Variants in C6orf163 observed in about 807,000 individuals in gnomAD.
C6orf163 encodes the protein uncharacterized protein C6orf163.
Under a neutral mutation model 28.4 loss-of-function variants are expected in C6orf163, and 22 were observed. The ratio of observed to expected loss-of-function variants is 0.78; its 90% confidence interval spans 0.55 to 1.11. The LOEUF is 1.11. C6orf163 is among the 50% of genes least tolerant of loss of function. C6orf163 has a pLI of 0.00. For missense variants in C6orf163, 342 were observed against 389.1 expected (o/e 0.88, Z 1.02); for synonymous variants, 110 against 123.6 (o/e 0.89, Z 0.73).
rs1038026558 is a variant in C6orf163 at position 87,364,947 on chromosome 6, A to G, written c.555-14A>G. 3 of 1,517,550 alleles carry G rather than the reference A, an allele frequency of 2.0e-6. No homozygotes were observed. Among genetic ancestry groups the G allele is most frequent in the Non-Finnish European group, 2.7e-6 (3 of 1,127,386 alleles). 94.0% of individuals were successfully genotyped at this position (1,517,550 alleles called of 1,614,324 possible). On this transcript the variant is annotated splice_polypyrimidine_tract_variant and intron_variant, in intron 4 of 4. Transcript: ENST00000388923. ...CAATCCATCTAAATTATAAATCCAT[A>G]TTATCTTTTGTAGCAAAGCCGTGGA...
chr6:87,348,921 A>T lies in C6orf163; in HGVS notation c.243+15A>T, dbSNP rs908138493. The T allele has an allele frequency of 1.3e-6, 2 of 1,536,178 alleles. No homozygotes were observed. Among genetic ancestry groups the T allele is most frequent in the Non-Finnish European group, 1.7e-6 (2 of 1,146,708 alleles). ...TATGGGCTCAGGTAAAAGAAGTTAC[A>T]TGTCAACCTAAAGTCCATCTTTACC... is the stretch of plus-strand genomic sequence containing the variant. On this transcript the variant is annotated intron_variant, in intron 2 of 4. Transcript: ENST00000388923.
In C6orf163 at chr6:87,348,086, C is replaced by T. The variant is rs7748728; in HGVS notation, c.149-726C>T. ...CAGGAGAATCACTTGAAACGGGAGG[C>T]GGAGGTTGCAGTGAGCCGAAATGGC... is the stretch of plus-strand genomic sequence containing the variant. On this transcript the variant is annotated intron_variant, in intron 1 of 4. Coordinates refer to ENST00000388923, the MANE Select transcript of C6orf163 (RefSeq NM_001010868.3). The T allele has an allele frequency of 2.0e-4, 123 of 608,340 alleles. No individual in the cohort carries two copies. In the African/African-American group the frequency reaches 2.3e-3, roughly 11 times the overall value. The allele number at this position is 608,340 out of a possible 1,614,324, so 37.7% of individuals were successfully genotyped here. A position where few individuals can be genotyped will look rare whatever the true frequency, so the allele number is the denominator to read the frequency against.
intron 3 of C6orf163, among the ~76,000 whole-genome samples, chr6:87,354,697 T>G (rs1397507366): frequency 6.6e-6 from 1 of 152,218 alleles, no homozygotes; most frequent in Non-Finnish European, 1.5e-5. Context: ...AAAGTTGATT[T>G]CTAGTGTCTG....
chr6:87,356,244 G>GT, intron 3 of C6orf163, 57 bp from the exon 4 acceptor site: 1 of 1,379,668 alleles, frequency 7.2e-7, no homozygotes. Flanking sequence ...GCCTCCTAAT[G>GT]TGCAGTTTTA....
At chr6:87,350,647 A>G (rs1217835713) in intron 3 of C6orf163, 146 bp downstream of exon 3, 2 of 602,208 alleles carry the variant, frequency 3.3e-6, no homozygotes, top group Non-Finnish European at 5.8e-6. Context: ...AGGTTCTCAG[A>G]AGAGATGCTG....
chr6:87,361,474 G>A (rs1158241863), intron 4 of C6orf163, among the ~76,000 whole-genome samples: 1 of 152,068 alleles, frequency 6.6e-6, no homozygotes, highest in Non-Finnish European at 1.5e-5. Context: ...CTTCCAGTTA[G>A]CCCATAAATG....
At chr6:87,355,938 C>T (rs908106229) in intron 3 of C6orf163, among the ~76,000 whole-genome samples, 4 of 152,188 alleles carry the variant, frequency 2.6e-5, no homozygotes, top group African/African-American at 9.6e-5. Flanking sequence ...CCAGGACTGG[C>T]TTACTAAAGC....
At position 87,365,373 on chromosome 6, in the gene C6orf163, G is replaced by A; in HGVS notation, c.967G>A (p.Glu323Lys). 6.5e-7 allele frequency: 1 copy of A among 1,541,042 alleles called. No homozygotes were observed. Among genetic ancestry groups the A allele is most frequent in the Non-Finnish European group, 8.8e-7 (1 of 1,141,730 alleles). The change falls in exon 5 of 5, where the codon GAG becomes AAG. Residue 323 changes from glutamate (E) to lysine (K), a missense_variant. Coordinates refer to ENST00000388923, the MANE Select transcript of C6orf163 (RefSeq NM_001010868.3). ...KKTPSNLVIK[E>K]NKTTLD Reference sequence around the variant, plus strand: ...AACACCTTCTAATCTTGTTATTAAGGAGAACAAAACAACTCTTGATTAGAA... The same window carrying A: ...AACACCTTCTAATCTTGTTATTAAGAAGAACAAAACAACTCTTGATTAGAA...
intron 1 of C6orf163, chr6:87,348,164 G>A (rs1018734024): frequency 1.2e-5 from 12 of 979,456 alleles, no homozygotes; most frequent in South Asian, 4.7e-5. Flanking sequence ...CAAAAAAAAA[G>A]AGAAATCCCA....
chr6:87,353,162 T>G (rs987358587), intron 3 of C6orf163, among the ~76,000 whole-genome samples: 11 of 152,192 alleles, frequency 7.2e-5, no homozygotes, highest in Admixed American at 3.3e-4. Flanking sequence ...AGTTCAATTA[T>G]CTGAATTCCT....
At chr6:87,355,496 G>A (rs1403189285) in intron 3 of C6orf163, among the ~76,000 whole-genome samples, 1 of 152,084 alleles carries the variant, frequency 6.6e-6, no homozygotes, top group African/African-American at 2.4e-5. Context: ...GGGAGGTGGA[G>A]GCTGAAGTGA....
Position 87,351,778 on chromosome 6 carries a change from C to T in C6orf163, c.351+1277C>T, listed in dbSNP as rs775069319. Among the ~76,000 whole-genome samples, 3 of 152,158 alleles carry T rather than the reference C, an allele frequency of 2.0e-5. No individual in the cohort carries two copies. In the East Asian group the frequency reaches 5.8e-4, roughly 29 times the overall value. ...ACCCTGGTTGCTTCCCCAGCAGACT[C>T]CTGGACCTCTCCCAATCCAGCAATT... On this transcript the variant is annotated intron_variant, in intron 3 of 4. Coordinates refer to ENST00000388923, the MANE Select transcript of C6orf163 (RefSeq NM_001010868.3).
intron 2 of C6orf163, among the ~76,000 whole-genome samples, chr6:87,349,942 G>A (rs1777385467): frequency 6.6e-6 from 1 of 152,190 alleles, no homozygotes; most frequent in Admixed American, 6.5e-5. Flanking sequence ...TAGAGTTAAA[G>A]TTCTTTCTGA....
At chr6:87,361,896 CTCA>C (rs1373825731) in intron 4 of C6orf163, among the ~76,000 whole-genome samples, 1 of 152,168 alleles carries the variant, frequency 6.6e-6, no homozygotes, top group Non-Finnish European at 1.5e-5. Flanking sequence ...AGTTCAGACC[CTCA>C]TCATTGCACC....
chr6:87,363,897 C>A (rs1251081304), intron 4 of C6orf163, among the ~76,000 whole-genome samples: 1 of 152,082 alleles, frequency 6.6e-6, no homozygotes, highest in Non-Finnish European at 1.5e-5. Context: ...ATGGTGTTCT[C>A]CAGGGGTTTT....
At chr6:87,363,418 C>A (rs895173589) in intron 4 of C6orf163, among the ~76,000 whole-genome samples, 9 of 150,968 alleles carry the variant, frequency 6.0e-5, no homozygotes, top group African/African-American at 2.2e-4. Context: ...CATATGTATA[C>A]ATGTGCCATG....
intron 3 of C6orf163, 90 bp from the exon 4 acceptor site, chr6:87,356,211 T>C: frequency 4.0e-6 from 4 of 1,000,292 alleles, no homozygotes; most frequent in Non-Finnish European, 3.0e-6. Flanking sequence ...TGCTAGCAGA[T>C]AGATAAAACT....
rs146202773 is a variant in C6orf163 at position 87,363,359 on chromosome 6, ATTATAC to A, written c.555-1598_555-1593del. Among the ~76,000 whole-genome samples the A allele has an allele frequency of 6.8e-3, 1,018 of 150,530 alleles. 12 individuals are homozygous for A. The highest frequency in any genetic ancestry group is 0.023 in the African/African-American group (953 of 40,974). On this transcript the variant is annotated intron_variant, in intron 4 of 4. Coordinates refer to ENST00000388923, the MANE Select transcript of C6orf163 (RefSeq NM_001010868.3). ...TTTCCAAATTTTTTAAAAAATTATT[ATTATAC>A]TTAAAGTTTTAGGGTACATGTGCAC...
In C6orf163 at chr6:87,348,803, A is replaced by G; in HGVS notation, c.149-9A>G. The G allele has an allele frequency of 6.5e-7, 1 of 1,537,144 alleles. No individual in the cohort carries two copies. The highest frequency in any genetic ancestry group is 8.7e-7 in the Non-Finnish European group (1 of 1,146,844). On this transcript the variant is annotated splice_polypyrimidine_tract_variant and intron_variant, in intron 1 of 4. Coordinates refer to ENST00000388923, the MANE Select transcript of C6orf163 (RefSeq NM_001010868.3). Reference sequence around the variant, plus strand: ...GGAGGTTTGTGACCATTGCTCTTCAAATACACAGATATTGGGGCAAATATT... The same window carrying G: ...GGAGGTTTGTGACCATTGCTCTTCAGATACACAGATATTGGGGCAAATATT...
Sources: allele counts gnomAD v4.1 joint callset (sites outside exome capture counted in the v4.1 genomes callset), GRCh38; gene constraint gnomAD v4.1.1; transcripts MANE v1.5; gene names NCBI Gene and HGNC (gene_info 2026-07-23, HGNC 2026-07-21).